ATP8B4: variants seen among roughly 807,000 people sequenced by gnomAD.
The protein encoded by ATP8B4 is ATPase phospholipid transporting 8B4 (putative).
A neutral mutation model predicts 145.6 loss-of-function variants in ATP8B4; 133 were observed. The ratio of observed to expected loss-of-function variants is 0.91; its 90% CI spans 0.79 to 1.05. The LOEUF (loss-of-function observed/expected upper bound fraction) is 1.05, where lower values mean the gene tolerates loss of function less well. ATP8B4 is among the 50% of genes least tolerant of loss of function. ATP8B4 has a pLI of 0.00. For synonymous variants in ATP8B4, 507 were observed against 492.9 expected (o/e 1.03, Z -0.38); for missense variants, 1,458 against 1,425.2 (o/e 1.02, Z -0.37).
chr15:50,180,726 C>G (rs1392583834), intron 1 of ATP8B4, among the ~76,000 whole-genome samples: 1 of 152,116 alleles, frequency 6.6e-6, no homozygotes. Flanking sequence ...ACTGCTTTCT[C>G]CTCAGGGATG....
chr15:49,919,071 T>C (rs1413949645), intron 18 of ATP8B4, 121 bp from the exon 19 acceptor site: 5 of 707,500 alleles, frequency 7.1e-6, no homozygotes, highest in Non-Finnish European at 1.2e-5. Context: ...GAAATTATGA[T>C]ACATTGATAT....
chr15:50,111,938 T>C (rs1375436399), intron 1 of ATP8B4, among the ~76,000 whole-genome samples: 1 of 151,804 alleles, frequency 6.6e-6, no homozygotes, highest in Non-Finnish European at 1.5e-5. Flanking sequence ...GAGGCTGAAG[T>C]GGGAGGATTG....
chr15:49,964,831 G>A (rs967958331), intron 13 of ATP8B4, among the ~76,000 whole-genome samples: 1 of 152,158 alleles, frequency 6.6e-6, no homozygotes, highest in African/African-American at 2.4e-5. Context: ...TGGTCCACAT[G>A]TCTGATAAGT....
intron 6 of ATP8B4, chr15:50,018,905 G>C: frequency 8.0e-7 from 1 of 1,247,816 alleles, no homozygotes. Flanking sequence ...CTCAGGACCA[G>C]GATAAATCTT....
intron 14 of ATP8B4, among the ~76,000 whole-genome samples, chr15:49,957,874 T>C (rs906311570): frequency 4.6e-5 from 7 of 151,918 alleles, no homozygotes; most frequent in African/African-American, 1.7e-4. Context: ...TAAATAATTA[T>C]ATAGAAGACC....
chr15:49,934,162 G>C lies in ATP8B4; in HGVS notation c.1308C>G (p.Phe436Leu), dbSNP rs55687265. The C allele has an allele frequency of 0.015, 23,803 of 1,610,552 alleles. 275 individuals carry two copies. Among genetic ancestry groups the C allele is most frequent in the Non-Finnish European group, 0.016 (18,893 of 1,178,524 alleles). The change falls in exon 15 of 28, where the codon TTC (phenylalanine) becomes TTG (leucine). Residue 436 changes from phenylalanine to leucine, a missense_variant. Phe to Leu is a conservative substitution (Grantham distance 22). Coordinates refer to ENST00000284509, the MANE Select transcript of ATP8B4 (RefSeq NM_024837.4). ...CTCTATCCGCTTGAGATTTGACTGAGAAATCCACAGGCTCTTTTTCCTGTA... is the reference window on the plus strand; with the variant it reads ...CTCTATCCGCTTGAGATTTGACTGACAAATCCACAGGCTCTTTTTCCTGTA... Reference protein sequence around the residue: ...EITQEKEPVDFSVKSQADREF... With the variant: ...EITQEKEPVDLSVKSQADREF...
intron 6 of ATP8B4, among the ~76,000 whole-genome samples, chr15:50,027,379 G>GTGGATGGGTGGATGGA: frequency 6.7e-6 from 1 of 149,028 alleles, no homozygotes; most frequent in East Asian, 2.0e-4. Context: ...GGATGGATGG[G>GTGGATGGGTGGATGGA]TGGATGGATG....
chr15:49,892,378 G>C (rs1439471613), intron 23 of ATP8B4, among the ~76,000 whole-genome samples: 1 of 152,136 alleles, frequency 6.6e-6, no homozygotes, highest in Non-Finnish European at 1.5e-5. Context: ...AGACTTTGCA[G>C]AAGTTTAAAC....
chr15:50,110,292 C>G (rs1186270522), intron 1 of ATP8B4, among the ~76,000 whole-genome samples: 1 of 152,098 alleles, frequency 6.6e-6, no homozygotes, highest in African/African-American at 2.4e-5. Context: ...CAGTCTTTTT[C>G]TAGTAGCAAT....
At chr15:50,112,932 C>T (rs1237761235) in intron 1 of ATP8B4, among the ~76,000 whole-genome samples, 3 of 152,120 alleles carry the variant, frequency 2.0e-5, no homozygotes, top group African/African-American at 4.8e-5. Flanking sequence ...CCCAACCAAG[C>T]GTGGAGAGGA....
chr15:50,035,658 C>T lies in ATP8B4; in HGVS notation c.362+3110G>A, dbSNP rs149372241. ...ACGTGTTGAATCTGAATGTAGCCAC[C>T]CACCATCCTGGCTCCTGAGCACAGG... On this transcript the variant is annotated intron_variant, in intron 6 of 27. Transcript: ENST00000284509. Among the ~76,000 whole-genome samples the T allele has an allele frequency of 8.3e-4, 127 of 152,140 alleles. No individual in the cohort carries two copies. The East Asian group carries it at 8.9e-3, about 11-fold the overall frequency.
At chr15:49,974,052 G>A (rs1321521144) in intron 12 of ATP8B4, among the ~76,000 whole-genome samples, 2 of 150,070 alleles carry the variant, frequency 1.3e-5, no homozygotes, top group South Asian at 2.1e-4. Flanking sequence ...AAAAAACAAT[G>A]CAAATATTTT....
At chr15:49,905,251 G>A (rs948518004) in intron 20 of ATP8B4, among the ~76,000 whole-genome samples, 1 of 152,132 alleles carries the variant, frequency 6.6e-6, no homozygotes, top group Non-Finnish European at 1.5e-5. Context: ...ACATTTGACA[G>A]GTTTAAATAT....
chr15:49,861,422 GTGTCTGTCTGTCTGTC>G (rs959890334), intron 27 of ATP8B4, among the ~76,000 whole-genome samples: 1 of 148,266 alleles, frequency 6.7e-6, no homozygotes, highest in African/African-American at 2.5e-5. Context: ...GTGTGTGTGT[GTGTCTGTCTGTCTGTC>G]TGTCTGTCTG....
Position 49,931,236 on chromosome 15 carries a change from T to C in ATP8B4, c.1525A>G (p.Ile509Val), listed in dbSNP as rs370913565. ...LVTAARNFGFIFKSRTPETIT... is the reference protein window; with the variant it reads ...LVTAARNFGFVFKSRTPETIT... The stretch of plus-strand genomic sequence containing the variant: ...GTCTCTGGGGTCCGGGATTTAAAAA[T>C]GAACCCAAAATTTCTAGCGGCAGTC... Residue 509 changes from isoleucine (I) to valine (V), a missense_variant, in exon 16 of 28, where the codon ATT (isoleucine) becomes GTT (valine). Physicochemically the swap from Ile to Val is conservative, Grantham distance 29. Coordinates refer to ENST00000284509, the MANE Select transcript of ATP8B4 (RefSeq NM_024837.4). The C allele has an allele frequency of 6.8e-6, 11 of 1,612,676 alleles. No homozygotes were observed. The African/African-American group carries it at 1.2e-4, about 18-fold the overall frequency.
chr15:50,169,914 C>T (rs544057689), intron 1 of ATP8B4, among the ~76,000 whole-genome samples: 1 of 152,002 alleles, frequency 6.6e-6, no homozygotes, highest in South Asian at 2.1e-4. Context: ...TAGAAGTGAA[C>T]AAGAAAGAAA....
intron 25 of ATP8B4, among the ~76,000 whole-genome samples, chr15:49,872,216 T>C (rs2033769468): frequency 6.6e-6 from 1 of 152,218 alleles, no homozygotes; most frequent in Non-Finnish European, 1.5e-5. Flanking sequence ...GAAATCAGAC[T>C]GTTGGATCTT....
At chr15:49,877,544 T>C (rs2034652063) in intron 24 of ATP8B4, among the ~76,000 whole-genome samples, 1 of 152,096 alleles carries the variant, frequency 6.6e-6, no homozygotes, top group Non-Finnish European at 1.5e-5. Context: ...AAAGTCCTGT[T>C]TTTAGATGCT....
At chr15:49,916,040 C>T (rs866111760) in intron 20 of ATP8B4, among the ~76,000 whole-genome samples, 2 of 151,428 alleles carry the variant, frequency 1.3e-5, no homozygotes, top group East Asian at 1.9e-4. Flanking sequence ...ATGGAGCAAG[C>T]GATAAGTAAT....
Sources: gnomAD v4.1 joint callset for allele counts (sites outside exome capture counted in the v4.1 genomes callset) on GRCh38, gnomAD v4.1.1 for gene constraint, MANE v1.5 for transcripts, NCBI Gene and HGNC (gene_info 2026-07-23, HGNC 2026-07-21) for gene names.